Variants in CDHR3 observed in about 807,000 individuals in gnomAD.
CDHR3 encodes cadherin-related family member 3.
CDHR3 carries 79 observed loss-of-function variants against 86.6 expected under a neutral mutation model. That is an observed-to-expected ratio of 0.91 (90% CI 0.76 to 1.10). The LOEUF (loss-of-function observed/expected upper bound fraction) is 1.10. CDHR3 is among the 50% of genes least tolerant of loss of function. CDHR3 has a pLI of 0.00. For synonymous variants in CDHR3, 421 were observed against 402.4 expected (o/e 1.05, Z -0.55); for missense variants, 1,081 against 1,077.6 (o/e 1.00, Z -0.04).
chr7:106,024,714 TC>T, intron 15 of CDHR3, 152 bp downstream of exon 15: 3 of 763,034 alleles, frequency 3.9e-6, no homozygotes, highest in Non-Finnish European at 4.1e-6. Flanking sequence ...GGGGAAGGAA[TC>T]CCAGCTCCCC....
chr7:105,985,738 C>T (rs1416410848), intron 4 of CDHR3, among the ~76,000 whole-genome samples: 3 of 151,918 alleles, frequency 2.0e-5, no homozygotes, highest in Non-Finnish European at 4.4e-5. Context: ...AATATGCAAA[C>T]ATTTAATGGG....
chr7:105,991,375 A>G (rs2115732396), intron 4 of CDHR3, among the ~76,000 whole-genome samples: 1 of 152,154 alleles, frequency 6.6e-6, no homozygotes, highest in African/African-American at 2.4e-5. Context: ...AAAAGAAATT[A>G]GCCTGGTGTT....
At chr7:106,023,435 T>G (rs1836877357) in intron 14 of CDHR3, among the ~76,000 whole-genome samples, 2 of 152,208 alleles carry the variant, frequency 1.3e-5, no homozygotes. Context: ...AGAATTGGCC[T>G]GGAGAAGGAA....
rs897104558 is a variant in CDHR3 at position 106,035,599 on chromosome 7, A to C, written c.*2902A>C. Among the ~76,000 whole-genome samples, 2 of 152,184 alleles carry C rather than the reference A, an allele frequency of 1.3e-5. No homozygotes were observed. The highest frequency in any genetic ancestry group is 2.9e-5 in the Non-Finnish European group (2 of 68,030). On this transcript the variant is annotated 3_prime_UTR_variant, in exon 19 of 19. Transcript: ENST00000317716. The stretch of plus-strand genomic sequence containing the variant: ...GGGAACGGGCCTGAGCAAGTGACTC[A>C]AGGGCCCAGATACAGTCTTCTCAGT...
chr7:106,017,790 T>C, intron 11 of CDHR3, 56 bp from the exon 12 acceptor site: 2 of 1,408,900 alleles, frequency 1.4e-6, no homozygotes, highest in South Asian at 1.2e-5. Context: ...TGTTCCTGAA[T>C]CATCCTTCTC....
At chr7:106,015,270 C>T in intron 10 of CDHR3, 57 bp downstream of exon 10, 1 of 1,431,804 alleles carries the variant, frequency 7.0e-7, no homozygotes, top group Non-Finnish European at 9.6e-7. Context: ...AATGACCAAA[C>T]TCTGCTGGGC....
chr7:105,991,872 G>A (rs1192793900), intron 4 of CDHR3, among the ~76,000 whole-genome samples: 4 of 152,186 alleles, frequency 2.6e-5, no homozygotes, highest in African/African-American at 9.7e-5. Context: ...ACCAGGCATT[G>A]TTCTAGCACT....
chr7:106,028,117 TAAAATAAAA>T (rs1210153176), intron 16 of CDHR3, among the ~76,000 whole-genome samples: 56 of 11,270 alleles, frequency 5.0e-3, no homozygotes, highest in African/African-American at 0.018. Flanking sequence ...GACCCTGTCT[TAAAATAAAA>T]TAAAATAAAA....
chr7:105,995,777 G>C (rs1212103923), intron 5 of CDHR3, among the ~76,000 whole-genome samples: 2 of 152,106 alleles, frequency 1.3e-5, no homozygotes, highest in Admixed American at 6.5e-5. Flanking sequence ...ACCCCATCTT[G>C]TTTGGGAAAG....
intron 1 of CDHR3, among the ~76,000 whole-genome samples, chr7:105,965,566 CA>C (rs1826761798): frequency 1.6e-5 from 1 of 60,954 alleles, no homozygotes. Context: ...ACTCAAGCCC[CA>C]CCCCCCCCCA....
chr7:106,004,643 AGACGTCAAC>A lies in CDHR3; in HGVS notation c.1012_1020del (p.Val338_Asp340del). The A allele has an allele frequency of 6.2e-7, 1 of 1,614,058 alleles. No individual in the cohort carries two copies. Among genetic ancestry groups the A allele is most frequent in the East Asian group, 2.2e-5 (1 of 44,884 alleles). On this transcript the variant is annotated inframe_deletion, in exon 8 of 19. Transcript: ENST00000317716. ...GCATCCAGATAACCTTCATTGTGGAAGACGTCAACGACAATCCTGCCACATGCCAAAAGT... is the reference window on the plus strand; with the variant it reads ...GCATCCAGATAACCTTCATTGTGGAAGACAATCCTGCCACATGCCAAAAGT...
chr7:106,026,482 A>C (rs546141589), intron 15 of CDHR3, among the ~76,000 whole-genome samples, 200 bp from the exon 16 acceptor site: 32 of 152,314 alleles, frequency 2.1e-4, no homozygotes, highest in African/African-American at 7.7e-4. Context: ...CCCTAGTCCA[A>C]AGCCAATAGT....
At chr7:106,022,926 A>G (rs570888339) in intron 14 of CDHR3, among the ~76,000 whole-genome samples, 5 of 152,010 alleles carry the variant, frequency 3.3e-5, no homozygotes, top group Non-Finnish European at 5.9e-5. Context: ...CCTACACCCC[A>G]CCTCCGCTCC....
intron 17 of CDHR3, among the ~76,000 whole-genome samples, chr7:106,029,127 G>T (rs992470097): frequency 1.3e-5 from 2 of 151,872 alleles, no homozygotes; most frequent in African/African-American, 4.8e-5. Context: ...TTACAGACAC[G>T]TGCCACCACG....
At chr7:106,006,679 C>T (rs147898193) in intron 8 of CDHR3, among the ~76,000 whole-genome samples, 61 of 152,334 alleles carry the variant, frequency 4.0e-4, no homozygotes, top group African/African-American at 1.4e-3. Context: ...TCTTGGGCAG[C>T]TCCATTCCTG....
chr7:105,980,889 A>G, intron 2 of CDHR3, 79 bp from the exon 3 acceptor site: 1 of 1,316,812 alleles, frequency 7.6e-7, no homozygotes, highest in Non-Finnish European at 1.1e-6. Context: ...CCTTCCTAGG[A>G]ATATCCCTTT....
intron 17 of CDHR3, among the ~76,000 whole-genome samples, chr7:106,029,273 G>A (rs1365131249): frequency 3.9e-5 from 6 of 152,128 alleles, no homozygotes; most frequent in African/African-American, 7.2e-5. Context: ...GAGCCACTGC[G>A]CCCAGCTGAT....
intron 18 of CDHR3, among the ~76,000 whole-genome samples, chr7:106,032,153 T>A (rs1838469603): frequency 6.6e-6 from 1 of 152,226 alleles, no homozygotes. Flanking sequence ...CCTAAGCCTT[T>A]CTATCCAGAG....
intron 4 of CDHR3, among the ~76,000 whole-genome samples, chr7:105,985,517 TC>T (rs1221333034): frequency 6.6e-6 from 1 of 152,188 alleles, no homozygotes; most frequent in African/African-American, 2.4e-5. Flanking sequence ...GACTACTTTT[TC>T]TAACAGGAAG....
Sources: allele counts gnomAD v4.1 joint callset (sites outside exome capture counted in the v4.1 genomes callset), GRCh38; gene constraint gnomAD v4.1.1; transcripts MANE v1.5; gene names NCBI Gene and HGNC (gene_info 2026-07-23, HGNC 2026-07-21).